The following MSRB2 variants were observed in gnomAD, a reference collection of about 807,000 sequenced individuals.
MSRB2 encodes methionine sulfoxide reductase B2.
In MSRB2, 17 loss-of-function variants were observed where a neutral mutation model predicts 19.0. That is an observed-to-expected ratio of 0.89 (90% CI 0.61 to 1.34). The LOEUF (loss-of-function observed/expected upper bound fraction) is 1.34. MSRB2 is among the 40% of genes most tolerant of loss of function. The pLI is 0.00. For synonymous variants in MSRB2, 107 were observed against 99.7 expected, an observed-to-expected ratio of 1.07 and a Z score of -0.44; for missense variants, 208 against 237.6, an observed-to-expected ratio of 0.88 and a Z score of 0.82.
At chr10:23,104,016 C>G in intron 1 of MSRB2, 128 bp from the exon 2 acceptor site, 1 of 590,652 alleles carries the variant, frequency 1.7e-6, no homozygotes, top group Non-Finnish European at 2.8e-6. Context: ...AGAATAAACT[C>G]GTGGGAGAGA....
chr10:23,104,121 A>T, intron 1 of MSRB2, 23 bp from the exon 2 acceptor site: 1 of 1,589,118 alleles, frequency 6.3e-7, no homozygotes, highest in Non-Finnish European at 8.6e-7. Flanking sequence ...TTTAATTTTT[A>T]AAATTCCTGT....
At chr10:23,096,005 GGGGGCATAAGT>G (rs1300704781) in intron 1 of MSRB2, among the ~76,000 whole-genome samples, 19 of 151,966 alleles carry the variant, frequency 1.3e-4, no homozygotes, top group African/African-American at 4.6e-4. Context: ...CTCGGGGAGT[GGGGGCATAAGT>G]GGGGCTCGGG....
chr10:23,120,206 G>A (rs1173819573), intron 4 of MSRB2, among the ~76,000 whole-genome samples: 3 of 152,170 alleles, frequency 2.0e-5, no homozygotes, highest in Non-Finnish European at 2.9e-5. Context: ...GCAATGCTGC[G>A]GGTGACGTCA....
rs145696788 is a variant in MSRB2 at position 23,100,398 on chromosome 10, A to G, written c.119-3746A>G. Among the ~76,000 whole-genome samples, 33 of 152,336 alleles carry G rather than the reference A, an allele frequency of 2.2e-4. 1 individual carries two copies. The East Asian group carries it at 6.4e-3, about 29-fold the overall frequency. ...GACAGGATCCTGAACAGAAGTGGCA[A>G]AAAAACAGACAGGAAGAGGCTTGTA... is the stretch of plus-strand genomic sequence containing the variant. On this transcript the variant is annotated intron_variant, in intron 1 of 4. Coordinates refer to ENST00000376510, the MANE Select transcript of MSRB2 (RefSeq NM_012228.4).
chr10:23,106,331 C>A (rs1356909466), intron 2 of MSRB2, among the ~76,000 whole-genome samples: 2 of 152,164 alleles, frequency 1.3e-5, no homozygotes, highest in Non-Finnish European at 2.9e-5. Context: ...TTAAAATTCC[C>A]TCCCGCATGT....
chr10:23,115,331 A>G (rs948896581), intron 3 of MSRB2, among the ~76,000 whole-genome samples: 2 of 152,172 alleles, frequency 1.3e-5, no homozygotes, highest in African/African-American at 2.4e-5. Flanking sequence ...GGGATCACAT[A>G]TTTCATGATC....
chr10:23,114,786 G>A (rs910291991), intron 3 of MSRB2, among the ~76,000 whole-genome samples: 2 of 152,178 alleles, frequency 1.3e-5, no homozygotes, highest in Admixed American at 1.3e-4. Flanking sequence ...CTTGTCCAGG[G>A]TTCTGCAGCT....
chr10:23,101,039 C>T (rs1839921334), intron 1 of MSRB2, among the ~76,000 whole-genome samples: 1 of 152,100 alleles, frequency 6.6e-6, no homozygotes, highest in Non-Finnish European at 1.5e-5. Context: ...TTTGGGCGAA[C>T]AGGTGTTTTG....
intron 1 of MSRB2, among the ~76,000 whole-genome samples, chr10:23,096,675 T>C (rs1219698360): frequency 6.6e-6 from 1 of 152,212 alleles, no homozygotes; most frequent in Non-Finnish European, 1.5e-5. Flanking sequence ...AAAGAATACG[T>C]AACTAAATAA....
chr10:23,095,795 G>C, intron 1 of MSRB2, 69 bp downstream of exon 1: 1 of 1,077,776 alleles, frequency 9.3e-7, no homozygotes, highest in East Asian at 3.3e-5. Flanking sequence ...GGCTGCACCC[G>C]GGAGCCTAGG....
intron 1 of MSRB2, among the ~76,000 whole-genome samples, chr10:23,096,269 G>T (rs1030478969): frequency 6.6e-6 from 1 of 151,900 alleles, no homozygotes; most frequent in African/African-American, 2.4e-5. Context: ...TTGATCATTT[G>T]TTCCTTCTTT....
chr10:23,103,736 T>C lies in MSRB2; in HGVS notation c.119-408T>C, dbSNP rs576402148. On this transcript the variant is annotated intron_variant, in intron 1 of 4. Coordinates refer to ENST00000376510, the MANE Select transcript of MSRB2 (RefSeq NM_012228.4). ...GAGAAGAGTTTAATAACCGACTAGC[T>C]CACAGTTCTTTTCTGCCCAATGCCT... 1.5e-3 allele frequency among the ~76,000 whole-genome samples: 230 copies of C among 152,312 alleles called. 1 individual carries two copies. Among genetic ancestry groups the C allele is most frequent in the African/African-American group, 5.3e-3 (221 of 41,560 alleles).
intron 3 of MSRB2, 108 bp from the exon 4 acceptor site, chr10:23,119,196 A>C (rs1443893063): frequency 1.5e-6 from 2 of 1,365,656 alleles, no homozygotes; most frequent in Non-Finnish European, 2.1e-6. Context: ...GATCTGGCAG[A>C]GGAGAGTGGG....
chr10:23,114,976 G>A (rs967230655), intron 3 of MSRB2, among the ~76,000 whole-genome samples: 2 of 152,144 alleles, frequency 1.3e-5, no homozygotes, highest in African/African-American at 4.8e-5. Flanking sequence ...CAGCCTCTGA[G>A]AGTGATCCCA....
In MSRB2 at chr10:23,108,811, G is replaced by C. The variant is rs958934392; in HGVS notation, c.220-1431G>C. On this transcript the variant is annotated intron_variant, in intron 2 of 4. Coordinates refer to ENST00000376510, the MANE Select transcript of MSRB2 (RefSeq NM_012228.4). The stretch of plus-strand genomic sequence containing the variant: ...TCTTCACAGCTGCTAACTAGTGCCA[G>C]TGTTGGAAGCAGGCATTTGAGGGGA... Among the ~76,000 whole-genome samples, 8 of 152,222 alleles carry C rather than the reference G, an allele frequency of 5.3e-5. 1 individual carries two copies. In the East Asian group the frequency reaches 5.8e-4, roughly 11 times the overall value.
At chr10:23,098,929 C>T (rs1052563413) in intron 1 of MSRB2, among the ~76,000 whole-genome samples, 1 of 152,164 alleles carries the variant, frequency 6.6e-6, no homozygotes, top group African/African-American at 2.4e-5. Flanking sequence ...AAGACTTGTC[C>T]TGAGATTTGT....
chr10:23,121,124 A>C lies in MSRB2; in HGVS notation c.*262A>C. 1 of 406,032 alleles carries C rather than the reference A, an allele frequency of 2.5e-6. No homozygotes were observed. 25.2% of individuals were successfully genotyped at this position (406,032 alleles called of 1,614,324 possible). On this transcript the variant is annotated 3_prime_UTR_variant, in exon 5 of 5. Transcript: ENST00000376510. ...AAAGAAAAACTAGAAAAATAAACAAAATTAAAAAGAAAAAAAAATACCTGA... is the reference window on the plus strand; with the variant it reads ...AAAGAAAAACTAGAAAAATAAACAACATTAAAAAGAAAAAAAAATACCTGA...
chr10:23,102,084 T>C (rs752357692), intron 1 of MSRB2, among the ~76,000 whole-genome samples: 14 of 152,190 alleles, frequency 9.2e-5, no homozygotes, highest in Non-Finnish European at 1.8e-4. Context: ...AGGAAAAATC[T>C]CATAGAGATG....
chr10:23,095,586 G>A lies in MSRB2; in HGVS notation c.-23G>A. 1 of 1,473,560 alleles carries A rather than the reference G, an allele frequency of 6.8e-7. No homozygotes were observed. The highest frequency in any genetic ancestry group is 2.3e-5 in the Admixed American group (1 of 44,432). 91.3% of individuals were successfully genotyped at this position (1,473,560 alleles called of 1,614,324 possible). On this transcript the variant is annotated 5_prime_UTR_variant, in exon 1 of 5. Transcript: ENST00000376510. ...CAGAGACGGGCAGAGGGCAGAGGGC[G>A]GAGCGGCGCCGGAGCGGGCGTCATG...
Sources: gnomAD v4.1 joint callset for allele counts (sites outside exome capture counted in the v4.1 genomes callset) on GRCh38, gnomAD v4.1.1 for gene constraint, MANE v1.5 for transcripts, NCBI Gene and HGNC (gene_info 2026-07-23, HGNC 2026-07-21) for gene names.